DFFA: variants seen among roughly 807,000 people sequenced by gnomAD.
DFFA encodes DNA fragmentation factor subunit alpha.
In DFFA, 14 loss-of-function variants were observed where a neutral mutation model predicts 28.0. The ratio of observed to expected loss-of-function variants is 0.50; its 90% CI spans 0.33 to 0.78. The LOEUF is 0.78. Ranked by LOEUF, DFFA falls within the 30% of genes least tolerant of loss-of-function variation. The pLI is 0.02. For synonymous variants in DFFA, 158 were observed against 170.3 expected (o/e 0.93, Z 0.56); for missense variants, 395 against 407.1 (o/e 0.97, Z 0.26).
rs534918945 is a variant in DFFA, at chr1:10,472,233, A to G, written c.136+90T>C. ...TCCACCCGAGATACAAGAATCCCCA[A>G]GTCGCCTCTCCTGACCCCGCCTCGC... On this transcript the variant is annotated intron_variant, in intron 1 of 5. Coordinates refer to ENST00000377038, the MANE Select transcript of DFFA (RefSeq NM_004401.3). The surrounding 1 kb of genome is among the most constrained non-coding windows in gnomAD (Gnocchi z 5.0). 8 of 1,430,694 alleles carry G rather than the reference A, an allele frequency of 5.6e-6. No individual in the cohort carries two copies. The highest frequency in any genetic ancestry group is 1.4e-5 in the South Asian group (1 of 69,620). 88.6% of individuals were successfully genotyped at this position (1,430,694 alleles called of 1,614,324 possible).
At chr1:10,470,472 T>A (rs1641081234) in intron 1 of DFFA, among the ~76,000 whole-genome samples, 1 of 146,866 alleles carries the variant, frequency 6.8e-6, no homozygotes, top group Admixed American at 6.9e-5. Context: ...TCGCCCAGGC[T>A]GGAGTGCCCA....
chr1:10,461,605 G>C lies in DFFA; in HGVS notation c.881C>G (p.Ala294Gly). ...GCTCTGCGTCTGCTGCAGGCGCAGGGCGAGCTCCCGCTCACAGGCCTCCTG... is the reference window on the plus strand; with the variant it reads ...GCTCTGCGTCTGCTGCAGGCGCAGGCCGAGCTCCCGCTCACAGGCCTCCTG... ...TVQEACEREL[A>G]LRLQQTQSLH... Residue 294 changes from alanine to glycine, a missense_variant, in exon 6 of 6, where the codon GCC (alanine) becomes GGC (glycine). Ala to Gly is a moderately conservative substitution (Grantham distance 60). Coordinates refer to ENST00000377038, the MANE Select transcript of DFFA (RefSeq NM_004401.3). 6.2e-7 allele frequency: 1 copy of C among 1,614,248 alleles called. No homozygotes were observed. The highest frequency in any genetic ancestry group is 8.5e-7 in the Non-Finnish European group (1 of 1,180,046).
In DFFA at chr1:10,463,207, A is replaced by G. The variant is rs1162865049; in HGVS notation, c.634T>C (p.Ser212Pro). The G allele has an allele frequency of 6.2e-7, 1 of 1,613,866 alleles. No individual in the cohort carries two copies. The highest frequency in any genetic ancestry group is 2.2e-5 in the East Asian group (1 of 44,860). ...EGSLLSKQEE[S>P]KAAFGEEVDA... ...ACCTCCTCACCAAAGGCAGCTTTGG[A>G]CTCTGCAAAGGAGACACGAGACAGA... is the stretch of plus-strand genomic sequence containing the variant. Residue 212 changes from serine to proline, a missense_variant and splice_region_variant, in exon 5 of 6, where the codon TCC becomes CCC. Physicochemically the swap from Ser to Pro is moderately conservative, Grantham distance 74. Transcript: ENST00000377038.
Position 10,467,275 on chromosome 1 carries a change from C to T in DFFA, c.356G>A (p.Gly119Glu). The part of the protein sequence containing the change: ...ESFDVDETDS[G>E]AGLKWKNVAR... ...CACATTCTTCCACTTCAACCCTGCC[C>T]CGCTGTCTGTTTCATCTACATCAAA... The change falls in exon 3 of 6, where the codon GGG (glycine) becomes GAG (glutamate). Residue 119 changes from glycine to glutamate, a missense_variant. Coordinates refer to ENST00000377038, the MANE Select transcript of DFFA (RefSeq NM_004401.3). 4.3e-6 allele frequency: 7 copies of T among 1,614,096 alleles called. No homozygotes were observed. Among genetic ancestry groups the T allele is most frequent in the Non-Finnish European group, 5.9e-6 (7 of 1,180,014 alleles).
chr1:10,458,797 A>G lies in DFFA; in HGVS notation c.*2693T>C, dbSNP rs1640891178. ...GGTGATCCATCTGCCTTGGCCTCCC[A>G]AAGTGCTGGGACTGCAGGTGTGAGC... On this transcript the variant is annotated 3_prime_UTR_variant, in exon 6 of 6. Transcript: ENST00000377038. 6.6e-6 allele frequency: 1 copy of G among 152,082 alleles called. No individual in the cohort carries two copies. Among genetic ancestry groups the G allele is most frequent in the Admixed American group, 6.6e-5 (1 of 15,252 alleles). 9.4% of individuals were successfully genotyped at this position (152,082 alleles called of 1,614,324 possible). A position where few individuals can be genotyped will look rare whatever the true frequency, so the allele number is the denominator to read the frequency against.
chr1:10,472,319 C>T lies in DFFA; in HGVS notation c.136+4G>A, dbSNP rs1641110061. ...CACACCCTCGCCCGGGGTCCCGAGC[C>T]AACCCTTGCTCCTCAGGTCTTCGAG... On this transcript the variant is annotated splice_donor_region_variant and intron_variant, in intron 1 of 5. Transcript: ENST00000377038. This position sits in a 1 kb window ranked among gnomAD's most constrained non-coding sequence, Gnocchi z 5.0. 1 of 1,588,638 alleles carries T rather than the reference C, an allele frequency of 6.3e-7. No homozygotes were observed.
intron 5 of DFFA, chr1:10,462,833 A>G (rs1640966553): frequency 7.2e-7 from 1 of 1,386,856 alleles, no homozygotes; most frequent in African/African-American, 1.4e-5. Flanking sequence ...ACCTTGGACC[A>G]GAGTCTGTTT....
At position 10,457,983 on chromosome 1, in the gene DFFA, A is replaced by T. The variant is rs1267165989; in HGVS notation, c.*3507T>A. 1 of 152,208 alleles carries T rather than the reference A, an allele frequency of 6.6e-6. No homozygotes were observed. Among genetic ancestry groups the T allele is most frequent in the Non-Finnish European group, 1.5e-5 (1 of 68,046 alleles). 9.4% of individuals were successfully genotyped at this position (152,208 alleles called of 1,614,324 possible). On this transcript the variant is annotated 3_prime_UTR_variant, in exon 6 of 6. Coordinates refer to ENST00000377038, the MANE Select transcript of DFFA (RefSeq NM_004401.3). Reference sequence around the variant, plus strand: ...GAAGCTGATGTGGGAGGATTGCTTGAGGCCTGGAGTTTGAGACCAGCCTGG... The same window carrying T: ...GAAGCTGATGTGGGAGGATTGCTTGTGGCCTGGAGTTTGAGACCAGCCTGG...
In DFFA at chr1:10,459,781, T is replaced by G. The variant is rs570944158; in HGVS notation, c.*1709A>C. ...TTACTCTATCATCCAGGCTGGAGTA[T>G]GGTGGCATGATCAGCCTTGAGCTCC... On this transcript the variant is annotated 3_prime_UTR_variant, in exon 6 of 6. Transcript: ENST00000377038. 6.6e-6 allele frequency: 1 copy of G among 150,978 alleles called. No homozygotes were observed. Among genetic ancestry groups the G allele is most frequent in the South Asian group, 2.1e-4 (1 of 4,716 alleles). The allele number at this position is 150,978 out of a possible 1,614,324, so 9.4% of individuals were successfully genotyped here.
In DFFA at chr1:10,458,044, T is replaced by G. The variant is rs1395926605; in HGVS notation, c.*3446A>C. Reference sequence around the variant, plus strand: ...GAGTTTTAATGTACCCTGGATTTCCTAGGAATGTAGCTACTCTGTAAATCA... The same window carrying G: ...GAGTTTTAATGTACCCTGGATTTCCGAGGAATGTAGCTACTCTGTAAATCA... On this transcript the variant is annotated 3_prime_UTR_variant, in exon 6 of 6. Transcript: ENST00000377038. 6.6e-6 allele frequency: 1 copy of G among 152,114 alleles called. No homozygotes were observed. The allele number at this position is 152,114 out of a possible 1,614,324, so 9.4% of individuals were successfully genotyped here.
At chr1:10,465,562 G>A (rs1641010393) in intron 3 of DFFA, among the ~76,000 whole-genome samples, 1 of 151,924 alleles carries the variant, frequency 6.6e-6, no homozygotes, top group South Asian at 2.1e-4. Flanking sequence ...ACCGTGCCCG[G>A]CTGTATTTTT....
At chr1:10,466,682 C>T (rs1294809358) in intron 3 of DFFA, among the ~76,000 whole-genome samples, 4 of 151,666 alleles carry the variant, frequency 2.6e-5, no homozygotes, top group Non-Finnish European at 4.4e-5. Context: ...AAAATCTGGC[C>T]GGGCACGGTG....
rs1459132321 is a variant in DFFA at position 10,461,678 on chromosome 1, C to T, written c.808G>A (p.Ala270Thr). ...LELVTKEDPKALAVALNWDIK... is the reference protein window; with the variant it reads ...LELVTKEDPKTLAVALNWDIK... ...TCCCAGTTCAAGGCAACAGCCAGTG[C>T]TTTGGGGTCTTCCTTGGTAACCAAC... is the stretch of plus-strand genomic sequence containing the variant. The change falls in exon 6 of 6, where the codon GCA becomes ACA. Residue 270 changes from alanine (A) to threonine (T), a missense_variant. Transcript: ENST00000377038. 3 of 1,614,138 alleles carry T rather than the reference C, an allele frequency of 1.9e-6. No individual in the cohort carries two copies. The African/African-American group carries it at 4.0e-5, about 22-fold the overall frequency.
chr1:10,461,831 G>T, intron 5 of DFFA, 129 bp from the exon 6 acceptor site: 1 of 1,470,198 alleles, frequency 6.8e-7, no homozygotes, highest in African/African-American at 1.4e-5. Context: ...CTGAAATGCC[G>T]GGTTTCCTTT....
At chr1:10,461,860 C>CT in intron 5 of DFFA, 158 bp from the exon 6 acceptor site, 1 of 985,348 alleles carries the variant, frequency 1.0e-6, no homozygotes, top group Non-Finnish European at 1.2e-6. Context: ...TTGCCACGGG[C>CT]TTTTTGTTTT....
chr1:10,461,837 C>A (rs2124338145), intron 5 of DFFA, 135 bp from the exon 6 acceptor site: 2 of 1,464,504 alleles, frequency 1.4e-6, no homozygotes, highest in East Asian at 4.8e-5. Context: ...TGCCGGGTTT[C>A]CTTTACCATT....
In DFFA at chr1:10,457,102, A is replaced by G. The variant is rs1319665721; in HGVS notation, c.*4388T>C. 6.6e-6 allele frequency: 1 copy of G among 152,038 alleles called. No individual in the cohort carries two copies. The highest frequency in any genetic ancestry group is 6.6e-5 in the Admixed American group (1 of 15,240). The allele number at this position is 152,038 out of a possible 1,614,324, so 9.4% of individuals were successfully genotyped here. ...TGTCTACTATATGTTAGGTACTAGG[A>G]TTTTTCTCATTATAGCACTTCATTC... is the stretch of plus-strand genomic sequence containing the variant. On this transcript the variant is annotated 3_prime_UTR_variant, in exon 6 of 6. Transcript: ENST00000377038.
At position 10,472,313 on chromosome 1, in the gene DFFA, C is replaced by G; in HGVS notation, c.136+10G>C. 6.3e-7 allele frequency: 1 copy of G among 1,579,370 alleles called. No homozygotes were observed. Among genetic ancestry groups the G allele is most frequent in the Middle Eastern group, 1.7e-4 (1 of 5,916 alleles). Reference sequence around the variant, plus strand: ...CTCCCCCACACCCTCGCCCGGGGTCCCGAGCCAACCCTTGCTCCTCAGGTC... The same window carrying G: ...CTCCCCCACACCCTCGCCCGGGGTCGCGAGCCAACCCTTGCTCCTCAGGTC... On this transcript the variant is annotated intron_variant, in intron 1 of 5. Transcript: ENST00000377038. This position sits in a 1 kb window ranked among gnomAD's most constrained non-coding sequence, Gnocchi z 5.0.
Position 10,458,869 on chromosome 1 carries a change from TTG to T in DFFA, c.*2619_*2620del, listed in dbSNP as rs1180442799. 1 of 145,066 alleles carries T rather than the reference TTG, an allele frequency of 6.9e-6. No homozygotes were observed. The highest frequency in any genetic ancestry group is 2.6e-5 in the African/African-American group (1 of 38,868). 9.0% of individuals were successfully genotyped at this position (145,066 alleles called of 1,614,324 possible). ...ACATATTGTGATATTTCTTTCTTTT[TTG>T]TGTGACAGTGTCTCACTCTGTTGCA... On this transcript the variant is annotated 3_prime_UTR_variant, in exon 6 of 6. Coordinates refer to ENST00000377038, the MANE Select transcript of DFFA (RefSeq NM_004401.3).
Sources: gnomAD v4.1 joint callset for allele counts (sites outside exome capture counted in the v4.1 genomes callset) on GRCh38, gnomAD v4.1.1 for gene constraint, Gnocchi (gnomAD v3.1) non-coding constraint, MANE v1.5 for transcripts, NCBI Gene and HGNC (gene_info 2026-07-23, HGNC 2026-07-21) for gene names.